The following MAP2K5 variants were observed in gnomAD, a reference collection of about 807,000 sequenced individuals.
MAP2K5 encodes dual specificity mitogen-activated protein kinase kinase 5.
A neutral mutation model predicts 83.1 loss-of-function variants in MAP2K5; 49 were observed. The ratio of observed to expected loss-of-function variants is 0.59; its 90% CI spans 0.47 to 0.75. The LOEUF (loss-of-function observed/expected upper bound fraction) is 0.75. Among genes scored for constraint, MAP2K5 ranks in the 30% least tolerant of loss-of-function variants. The pLI is 0.00. For missense variants in MAP2K5, 457 were observed against 557.5 expected (o/e 0.82, Z 1.82); for synonymous variants, 202 against 191.8 (o/e 1.05, Z -0.44).
At chr15:67,732,965 G>A (rs767422577) in intron 17 of MAP2K5, among the ~76,000 whole-genome samples, 18 of 152,150 alleles carry the variant, frequency 1.2e-4, no homozygotes, top group African/African-American at 1.4e-4. Flanking sequence ...GGGGAGGGGG[G>A]GCTTAACAGC....
rs1262266744 is a variant in MAP2K5, at chr15:67,783,115, T to G, written c.1242+10363T>G. On this transcript the variant is annotated intron_variant, in intron 21 of 21. Coordinates refer to ENST00000178640, the MANE Select transcript of MAP2K5 (RefSeq NM_145160.3). This position sits in a 1 kb window ranked among gnomAD's most constrained non-coding sequence, Gnocchi z 5.1. ...GATGTGGGAATCACAGATGTGCATT[T>G]CAGTCTGCACTCGCCATTTTTATGT... 6.6e-6 allele frequency among the ~76,000 whole-genome samples: 1 copy of G among 152,236 alleles called. No individual in the cohort carries two copies. Among genetic ancestry groups the G allele is most frequent in the East Asian group, 1.9e-4 (1 of 5,196 alleles).
chr15:67,740,408 T>C (rs889851188), intron 17 of MAP2K5, among the ~76,000 whole-genome samples: 2 of 152,164 alleles, frequency 1.3e-5, no homozygotes, highest in Admixed American at 1.3e-4. Context: ...CCAGCATGAA[T>C]ACCTGAGCAT....
intron 14 of MAP2K5, among the ~76,000 whole-genome samples, chr15:67,693,052 C>G (rs1330745636): frequency 1.3e-5 from 2 of 152,206 alleles, no homozygotes; most frequent in African/African-American, 4.8e-5. Flanking sequence ...CCTTTACTCC[C>G]AGCCAAACAC....
At chr15:67,744,454 A>G (rs1301201718) in intron 17 of MAP2K5, among the ~76,000 whole-genome samples, 5 of 152,262 alleles carry the variant, frequency 3.3e-5, no homozygotes, top group South Asian at 2.1e-4. Context: ...GTCAACTGAT[A>G]TTGGAAGATC....
chr15:67,651,460 C>T lies in MAP2K5; in HGVS notation c.736+4991C>T, dbSNP rs544127919. On this transcript the variant is annotated intron_variant, in intron 11 of 21. Coordinates refer to ENST00000178640, the MANE Select transcript of MAP2K5 (RefSeq NM_145160.3). ...GATCACTCTGTTGTGGTGCCAAACA[C>T]TGGATCTTATTCTTTCTATCTGACT... Among the ~76,000 whole-genome samples, 4 of 152,226 alleles carry T rather than the reference C, an allele frequency of 2.6e-5. No individual in the cohort carries two copies. In the East Asian group the frequency reaches 7.7e-4, roughly 29 times the overall value.
In MAP2K5 at chr15:67,769,198, GTAAA is replaced by G. The variant is rs2090097055; in HGVS notation, c.1135-397_1135-394del. ...AATAAATGTAAATAAAAAGGAAAGTGTAAATAAATAGCAAATCCAGTAAAAGAAA... is the reference window on the plus strand; with the variant it reads ...AATAAATGTAAATAAAAAGGAAAGTGTAAATAGCAAATCCAGTAAAAGAAA... On this transcript the variant is annotated intron_variant, in intron 19 of 21. Transcript: ENST00000178640. This position sits in a 1 kb window ranked among gnomAD's most constrained non-coding sequence, Gnocchi z 5.2. Among the ~76,000 whole-genome samples, 1 of 152,114 alleles carries G rather than the reference GTAAA, an allele frequency of 6.6e-6. No individual in the cohort carries two copies. The highest frequency in any genetic ancestry group is 2.4e-5 in the African/African-American group (1 of 41,428).
intron 11 of MAP2K5, among the ~76,000 whole-genome samples, chr15:67,657,238 A>T (rs2087106344): frequency 6.6e-6 from 1 of 152,156 alleles, no homozygotes; most frequent in African/African-American, 2.4e-5. Context: ...GCCCTGATTT[A>T]TATCCTTGGT....
intron 13 of MAP2K5, among the ~76,000 whole-genome samples, chr15:67,671,305 T>G (rs916770205): frequency 2.6e-5 from 4 of 152,176 alleles, no homozygotes; most frequent in Non-Finnish European, 5.9e-5. Flanking sequence ...ATAACAATAA[T>G]GACTATTAAG....
intron 8 of MAP2K5, among the ~76,000 whole-genome samples, chr15:67,612,871 C>T (rs1258096765): frequency 6.6e-6 from 1 of 152,196 alleles, no homozygotes; most frequent in Non-Finnish European, 1.5e-5. Flanking sequence ...CCTTTAGACA[C>T]AACCAGTGTT....
intron 9 of MAP2K5, among the ~76,000 whole-genome samples, chr15:67,645,704 A>G (rs1397726229): frequency 6.6e-6 from 1 of 151,286 alleles, no homozygotes; most frequent in Non-Finnish European, 1.5e-5. Flanking sequence ...ACCCGATCAT[A>G]CTACACACAG....
intron 17 of MAP2K5, among the ~76,000 whole-genome samples, chr15:67,732,888 T>C (rs1421606305): frequency 6.6e-6 from 1 of 152,160 alleles, no homozygotes; most frequent in Non-Finnish European, 1.5e-5. Flanking sequence ...ACAAATTGGA[T>C]GCACCTGAGA....
chr15:67,672,412 A>G (rs2087564988), intron 13 of MAP2K5, among the ~76,000 whole-genome samples: 1 of 152,074 alleles, frequency 6.6e-6, no homozygotes, highest in Admixed American at 6.5e-5. Context: ...TCTGATGGCC[A>G]GTGATGATGA....
chr15:67,688,631 C>G (rs1222885011), intron 13 of MAP2K5, among the ~76,000 whole-genome samples: 1 of 152,106 alleles, frequency 6.6e-6, no homozygotes, highest in Admixed American at 6.5e-5. Flanking sequence ...GGTTGATTAC[C>G]AATTGATAAT....
chr15:67,547,571 T>G (rs2084422464), intron 1 of MAP2K5, among the ~76,000 whole-genome samples: 1 of 151,988 alleles, frequency 6.6e-6, no homozygotes, highest in Admixed American at 6.6e-5. Context: ...TTCTCCTGCT[T>G]TAGCCTCCTG....
rs1291246293 is a variant in MAP2K5 at position 67,778,112 on chromosome 15, C to T, written c.1242+5360C>T. On this transcript the variant is annotated intron_variant, in intron 21 of 21. Coordinates refer to ENST00000178640, the MANE Select transcript of MAP2K5 (RefSeq NM_145160.3). This position sits in a 1 kb window ranked among gnomAD's most constrained non-coding sequence, Gnocchi z 5.0. ...TATAAGAGGTGGTAATGTTTGGGGGCTAATAAACACCAAACTGCTCTAGAA... is the reference window on the plus strand; with the variant it reads ...TATAAGAGGTGGTAATGTTTGGGGGTTAATAAACACCAAACTGCTCTAGAA... 6.6e-6 allele frequency among the ~76,000 whole-genome samples: 1 copy of T among 152,114 alleles called. No individual in the cohort carries two copies. Among genetic ancestry groups the T allele is most frequent in the Non-Finnish European group, 1.5e-5 (1 of 68,014 alleles).
At chr15:67,667,470 A>G (rs1002550828) in intron 13 of MAP2K5, among the ~76,000 whole-genome samples, 2 of 152,170 alleles carry the variant, frequency 1.3e-5, no homozygotes, top group Non-Finnish European at 2.9e-5. Flanking sequence ...CAAATCAAAA[A>G]CAGGGGTCCT....
rs62015216 is a variant in MAP2K5 at position 67,779,711 on chromosome 15, C to G, written c.1242+6959C>G. Among the ~76,000 whole-genome samples, 135 of 152,240 alleles carry G rather than the reference C, an allele frequency of 8.9e-4. No individual in the cohort carries two copies. The highest frequency in any genetic ancestry group is 9.1e-4 in the Non-Finnish European group (62 of 68,012). On this transcript the variant is annotated intron_variant, in intron 21 of 21. Coordinates refer to ENST00000178640, the MANE Select transcript of MAP2K5 (RefSeq NM_145160.3). This position sits in a 1 kb window ranked among gnomAD's most constrained non-coding sequence, Gnocchi z 4.6. ...ATTTGAACTCATGTCTCTAATGCCT[C>G]TTTCGTGTTTTATTGGACTGTCATC...
intron 21 of MAP2K5, among the ~76,000 whole-genome samples, chr15:67,788,514 A>G (rs944854952): frequency 9.9e-5 from 15 of 152,240 alleles, no homozygotes; most frequent in Admixed American, 8.5e-4. Context: ...TACCCACTGC[A>G]TGGAAAGGGG....
intron 8 of MAP2K5, among the ~76,000 whole-genome samples, chr15:67,611,157 A>C (rs1021363465): frequency 1.3e-5 from 2 of 152,236 alleles, no homozygotes; most frequent in Admixed American, 1.3e-4. Context: ...AACTTATTAA[A>C]TCATAATTAA....
Sources: allele counts gnomAD v4.1 joint callset (sites outside exome capture counted in the v4.1 genomes callset), GRCh38; gene constraint gnomAD v4.1.1; non-coding constraint Gnocchi (gnomAD v3.1); transcripts MANE v1.5; gene names NCBI Gene and HGNC (gene_info 2026-07-23, HGNC 2026-07-21).